AUH: variants seen among roughly 807,000 people sequenced by gnomAD.
AUH encodes AU RNA binding methylglutaconyl-CoA hydratase.
In AUH, 29 loss-of-function variants were observed where a neutral mutation model predicts 42.3. That is an observed-to-expected ratio of 0.69 (90% confidence interval 0.51 to 0.93). AUH has a LOEUF of 0.93. Ranked by LOEUF, AUH falls within the 40% of genes least tolerant of loss-of-function variation. The probability of loss-of-function intolerance (pLI) is 0.00; values close to 1 mark genes in which losing one functional copy is unlikely to be tolerated. For synonymous variants in AUH, 174 were observed against 166.4 expected (o/e 1.05, Z -0.35); for missense variants, 452 against 438.1 (o/e 1.03, Z -0.28).
At chr9:91,239,618 T>A (rs1274125526) in intron 6 of AUH, among the ~76,000 whole-genome samples, 1 of 152,226 alleles carries the variant, frequency 6.6e-6, no homozygotes, top group Admixed American at 6.5e-5. Flanking sequence ...TGTTTACTAG[T>A]CTTAAATTGT....
intron 6 of AUH, among the ~76,000 whole-genome samples, chr9:91,250,229 C>T (rs906566946): frequency 2.0e-5 from 3 of 152,094 alleles, no homozygotes; most frequent in South Asian, 2.1e-4. Flanking sequence ...CCAGTGCACA[C>T]CCACCTCACC....
At position 91,214,370 on chromosome 9, in the gene AUH, G is replaced by C. The variant is rs541546111; in HGVS notation, c.998C>G (p.Pro333Arg). The change falls in exon 10 of 10, where the codon CCC becomes CGC. Residue 333 changes from proline to arginine, a missense_variant. Physicochemically the swap from Pro to Arg is moderately radical, Grantham distance 103 (BLOSUM62 -2). Transcript: ENST00000375731. ...EGLLAFKEKR[P>R]PRYKGE ...CTTTTATTCTCCTTTATAGCGAGGG[G>C]GCCTTTTCTCTTTAAAAGCAAGAAG... is the stretch of plus-strand genomic sequence containing the variant. 6.2e-7 allele frequency: 1 copy of C among 1,610,066 alleles called. No individual in the cohort carries two copies. Among genetic ancestry groups the C allele is most frequent in the Non-Finnish European group, 8.5e-7 (1 of 1,178,180 alleles).
Position 91,249,597 on chromosome 9 carries a change from C to T in AUH, c.656-28605G>A, listed in dbSNP as rs117408746. Among the ~76,000 whole-genome samples, 1,172 of 152,192 alleles carry T rather than the reference C, an allele frequency of 7.7e-3. 6 individuals carry two copies. Among genetic ancestry groups the T allele is most frequent in the Non-Finnish European group, 0.013 (872 of 68,002 alleles). ...ACTTAATACTCAAATATCTTCTGTACCTTTGCTCATGACTATGAATACAGC... is the reference window on the plus strand; with the variant it reads ...ACTTAATACTCAAATATCTTCTGTATCTTTGCTCATGACTATGAATACAGC... On this transcript the variant is annotated intron_variant, in intron 6 of 9. Transcript: ENST00000375731.
intron 5 of AUH, among the ~76,000 whole-genome samples, chr9:91,297,591 CTTTT>C (rs147384555): frequency 0.071 from 10,770 of 151,624 alleles, 649 homozygotes; most frequent in East Asian, 0.25. Context: ...TTTTTCTTTC[CTTTT>C]TAATTTTTTT....
At chr9:91,331,651 ATATTT>A (rs1213173741) in intron 3 of AUH, among the ~76,000 whole-genome samples, 2 of 152,358 alleles carry the variant, frequency 1.3e-5, no homozygotes, top group Non-Finnish European at 2.9e-5. Context: ...GAGAAAACAT[ATATTT>A]TAAACACCAC....
Position 91,249,166 on chromosome 9 carries a change from G to A in AUH, c.656-28174C>T, listed in dbSNP as rs114745498. On this transcript the variant is annotated intron_variant, in intron 6 of 9. Transcript: ENST00000375731. ...ACAAAAATTAGCCAGGCCTGGTGAT[G>A]CACACTTGTAGTCCCAGCTACTTGG... 3.0e-3 allele frequency among the ~76,000 whole-genome samples: 451 copies of A among 151,708 alleles called. 5 individuals carry two copies. The highest frequency in any genetic ancestry group is 0.01 in the African/African-American group (432 of 41,360).
intron 5 of AUH, among the ~76,000 whole-genome samples, chr9:91,296,714 A>G (rs960094912): frequency 1.3e-5 from 2 of 152,242 alleles, no homozygotes; most frequent in African/African-American, 4.8e-5. Flanking sequence ...CATGTACCTT[A>G]GCTTTTCAAT....
intron 3 of AUH, among the ~76,000 whole-genome samples, chr9:91,325,935 T>C (rs566634146): frequency 6.6e-6 from 1 of 152,162 alleles, no homozygotes; most frequent in African/African-American, 2.4e-5. Flanking sequence ...ATGCCTGCCT[T>C]GGGGACTGTC....
intron 6 of AUH, among the ~76,000 whole-genome samples, chr9:91,271,464 C>T (rs1825116398): frequency 2.0e-5 from 3 of 152,210 alleles, no homozygotes; most frequent in African/African-American, 4.8e-5. Context: ...ATGTAATCAA[C>T]AAGATATTAA....
intron 6 of AUH, among the ~76,000 whole-genome samples, chr9:91,227,931 G>A (rs1216904014): frequency 6.6e-6 from 1 of 151,908 alleles, no homozygotes; most frequent in Non-Finnish European, 1.5e-5. Flanking sequence ...TAAGCTTTTT[G>A]ATGTGCTGCT....
chr9:91,292,273 CTT>C (rs1017680283), intron 6 of AUH, among the ~76,000 whole-genome samples: 18 of 130,960 alleles, frequency 1.4e-4, no homozygotes, highest in South Asian at 2.5e-4. Flanking sequence ...TGGGAACCCT[CTT>C]TTTTTTTTTT....
intron 3 of AUH, among the ~76,000 whole-genome samples, chr9:91,350,634 C>T (rs745408267): frequency 2.0e-5 from 3 of 151,976 alleles, no homozygotes; most frequent in African/African-American, 7.3e-5. Context: ...CAGCAGGTGC[C>T]TGTAATCCCA....
Position 91,340,621 on chromosome 9 carries a change from C to T in AUH, c.419-15217G>A, listed in dbSNP as rs551386096. On this transcript the variant is annotated intron_variant, in intron 3 of 9. Coordinates refer to ENST00000375731, the MANE Select transcript of AUH (RefSeq NM_001698.3). ...AATGACACTATCACTGAACAAAATA[C>T]TTCTCAAACTATGAGTTGTACAACT... Among the ~76,000 whole-genome samples, 8 of 152,284 alleles carry T rather than the reference C, an allele frequency of 5.3e-5. No individual in the cohort carries two copies. The East Asian group carries it at 1.4e-3, about 26-fold the overall frequency.
chr9:91,323,537 T>G (rs190517630), intron 4 of AUH, among the ~76,000 whole-genome samples: 1 of 151,612 alleles, frequency 6.6e-6, no homozygotes, highest in Non-Finnish European at 1.5e-5. Context: ...GCAGGAGAAT[T>G]GCTTGAACCT....
intron 6 of AUH, among the ~76,000 whole-genome samples, 183 bp downstream of exon 6, chr9:91,295,838 T>C (rs1211789128): frequency 6.6e-6 from 1 of 152,210 alleles, no homozygotes; most frequent in Non-Finnish European, 1.5e-5. Flanking sequence ...ATTTGTTTCA[T>C]TGCGGTGGGG....
chr9:91,217,268 G>T lies in AUH; in HGVS notation c.894+9C>A, dbSNP rs1388023086. 11 of 1,612,584 alleles carry T rather than the reference G, an allele frequency of 6.8e-6. No homozygotes were observed. The highest frequency in any genetic ancestry group is 1.7e-5 in the Admixed American group (1 of 60,000). On this transcript the variant is annotated intron_variant, in intron 8 of 9. Coordinates refer to ENST00000375731, the MANE Select transcript of AUH (RefSeq NM_001698.3). Reference sequence around the variant, plus strand: ...TTCCCAAAACAAACTCAAGCATTAAGGAACCTACCTCCATCCCTTGATTAA... The same window carrying T: ...TTCCCAAAACAAACTCAAGCATTAATGAACCTACCTCCATCCCTTGATTAA...
At chr9:91,306,353 GT>G in intron 4 of AUH, 1 of 985,326 alleles carries the variant, frequency 1.0e-6, no homozygotes, top group Non-Finnish European at 1.2e-6. Flanking sequence ...GATGACTTCT[GT>G]TGATTGCTGT....
chr9:91,356,397 G>T (rs1012508708), intron 1 of AUH, among the ~76,000 whole-genome samples: 1 of 152,138 alleles, frequency 6.6e-6, no homozygotes, highest in Non-Finnish European at 1.5e-5. Flanking sequence ...TAAGTTAAAG[G>T]ATACTATTTA....
intron 3 of AUH, among the ~76,000 whole-genome samples, chr9:91,340,641 A>G (rs1420681738): frequency 6.6e-6 from 1 of 152,204 alleles, no homozygotes; most frequent in African/African-American, 2.4e-5. Flanking sequence ...TATGAGTTGT[A>G]CAACTGTTTC....
Sources: gnomAD v4.1 joint callset for allele counts (sites outside exome capture counted in the v4.1 genomes callset) on GRCh38, gnomAD v4.1.1 for gene constraint, MANE v1.5 for transcripts, NCBI Gene and HGNC (gene_info 2026-07-23, HGNC 2026-07-21) for gene names.